The following ANKRD12 variants were observed in gnomAD, a reference collection of about 807,000 sequenced individuals.
ANKRD12 encodes ankyrin repeat domain-containing protein 12.
A neutral mutation model predicts 183.4 loss-of-function variants in ANKRD12; 85 were observed. The observed-to-expected ratio is 0.46, with a 90% confidence interval of 0.39 to 0.56. ANKRD12 has a LOEUF of 0.56. Ranked by LOEUF, ANKRD12 falls within the 20% of genes least tolerant of loss-of-function variation. The pLI, the probability that ANKRD12 is intolerant of heterozygous loss-of-function variation, is 0.00. For synonymous variants in ANKRD12, 914 were observed against 800.2 expected (o/e 1.14, Z -2.40); for missense variants, 2,405 against 2,357.1 (o/e 1.02, Z -0.42).
At chr18:9,234,628 G>A (rs1184311132) in intron 8 of ANKRD12, among the ~76,000 whole-genome samples, 7 of 152,138 alleles carry the variant, frequency 4.6e-5, no homozygotes, top group Non-Finnish European at 7.3e-5. Flanking sequence ...AAGCTCCTGG[G>A]ATGTGGAGAT....
intron 3 of ANKRD12, among the ~76,000 whole-genome samples, chr18:9,196,586 A>T (rs2034839399): frequency 6.6e-6 from 1 of 152,116 alleles, no homozygotes; most frequent in Non-Finnish European, 1.5e-5. Flanking sequence ...AATGATCTTG[A>T]CTCTGGAAAC....
intron 8 of ANKRD12, chr18:9,235,607 AG>A: frequency 2.2e-6 from 1 of 456,222 alleles, no homozygotes; most frequent in South Asian, 1.5e-5. Context: ...GCCTTATCAA[AG>A]GGATCAAACC....
At chr18:9,247,007 G>A (rs2038000038) in intron 8 of ANKRD12, among the ~76,000 whole-genome samples, 1 of 152,180 alleles carries the variant, frequency 6.6e-6, no homozygotes, top group African/African-American at 2.4e-5. Context: ...CTGTTAGCAT[G>A]TAACTGGAAT....
chr18:9,199,756 T>G (rs147454810), intron 3 of ANKRD12, among the ~76,000 whole-genome samples: 29 of 152,304 alleles, frequency 1.9e-4, no homozygotes, highest in Admixed American at 1.2e-3. Context: ...AAAATAATCT[T>G]TAAGCCTTTT....
chr18:9,195,449 A>G, intron 2 of ANKRD12, 102 bp from the exon 3 acceptor site: 2 of 765,628 alleles, frequency 2.6e-6, no homozygotes, highest in Non-Finnish European at 3.8e-6. Flanking sequence ...GATAGGTAAT[A>G]CTATCTCTTT....
At position 9,257,076 on chromosome 18, in the gene ANKRD12, C is replaced by T. The variant is rs751238822; in HGVS notation, c.3809C>T (p.Pro1270Leu). The T allele has an allele frequency of 8.1e-6, 13 of 1,613,964 alleles. No homozygotes were observed. The East Asian group carries it at 1.3e-4, about 17-fold the overall frequency. Residue 1270 changes from proline (P) to leucine (L), a missense_variant, in exon 9 of 13, where the codon CCG becomes CTG. Pro to Leu is a moderately conservative substitution (Grantham distance 98, BLOSUM62 -3). Transcript: ENST00000262126. ...GAATTGGACAGCCTGGCTGACTTGC[C>T]GGAGCGGATTAAACCACCATATGCA... Reference protein sequence around the residue: ...ERELDSLADLPERIKPPYANR... With the variant: ...ERELDSLADLLERIKPPYANR...
intron 2 of ANKRD12, among the ~76,000 whole-genome samples, chr18:9,182,759 TGA>T (rs1297720628): frequency 6.6e-6 from 1 of 152,152 alleles, no homozygotes; most frequent in Non-Finnish European, 1.5e-5. Context: ...TAAGAAATAT[TGA>T]GAGAGGGAAA....
intron 8 of ANKRD12, among the ~76,000 whole-genome samples, chr18:9,240,787 A>T (rs2144993499): frequency 6.6e-6 from 1 of 152,314 alleles, no homozygotes; most frequent in East Asian, 1.9e-4. Flanking sequence ...AAGACAGATT[A>T]GGAGACTTGA....
chr18:9,175,650 C>G (rs1194817533), intron 1 of ANKRD12, among the ~76,000 whole-genome samples: 1 of 145,792 alleles, frequency 6.9e-6, no homozygotes, highest in African/African-American at 2.5e-5. Context: ...GCCTTAGCCT[C>G]TTGAGTAGCT....
chr18:9,144,571 C>T lies in ANKRD12; in HGVS notation c.-52+7606C>T, dbSNP rs112802627. Among the ~76,000 whole-genome samples the T allele has an allele frequency of 1.4e-3, 216 of 152,222 alleles. 1 individual carries two copies. The highest frequency in any genetic ancestry group is 5.0e-3 in the African/African-American group (209 of 41,554). On this transcript the variant is annotated intron_variant, in intron 1 of 12. Transcript: ENST00000262126. ...GAAACATGTAGTCTCACACTTGAGT[C>T]GTATTCATTATGAAGTGCTAATAGA...
intron 3 of ANKRD12, among the ~76,000 whole-genome samples, chr18:9,201,969 A>G (rs566450558): frequency 2.5e-4 from 38 of 152,074 alleles, no homozygotes; most frequent in Middle Eastern, 6.8e-3. Flanking sequence ...CTGGGATTAC[A>G]GGCGTGTGCC....
intron 1 of ANKRD12, among the ~76,000 whole-genome samples, chr18:9,153,543 CTGTGTG>C (rs1299085246): frequency 1.3e-5 from 2 of 152,200 alleles, no homozygotes; most frequent in Admixed American, 1.3e-4. Flanking sequence ...CAGGAGCCTA[CTGTGTG>C]TCCCAGGATG....
At chr18:9,242,663 A>G (rs1010608340) in intron 8 of ANKRD12, among the ~76,000 whole-genome samples, 3 of 152,282 alleles carry the variant, frequency 2.0e-5, no homozygotes, top group Admixed American at 2.0e-4. Flanking sequence ...AAAATTCTTG[A>G]TTGATTATAG....
At chr18:9,154,694 G>A (rs1484858150) in intron 1 of ANKRD12, among the ~76,000 whole-genome samples, 1 of 152,160 alleles carries the variant, frequency 6.6e-6, no homozygotes, top group Non-Finnish European at 1.5e-5. Flanking sequence ...AGATGATGGT[G>A]GCTTGGATTA....
chr18:9,255,426 T>G lies in ANKRD12; in HGVS notation c.2159T>G (p.Leu720Ter). 1 of 1,571,088 alleles carries G rather than the reference T, an allele frequency of 6.4e-7. No individual in the cohort carries two copies. Among genetic ancestry groups the G allele is most frequent in the Non-Finnish European group, 8.6e-7 (1 of 1,167,626 alleles). ...FLNMEHESLT[L>*]EKKSKLEKNI... ...AATATGGAACATGAATCCTTAACATTAGAAAAAAAATCAAAATTGGAAAAA... is the reference window on the plus strand; with the variant it reads ...AATATGGAACATGAATCCTTAACATGAGAAAAAAAATCAAAATTGGAAAAA... Residue 720 changes from leucine (L) to a stop codon, truncating the protein, a stop_gained, in exon 9 of 13, where the codon TTA becomes TGA. Transcript: ENST00000262126. LOFTEE classifies it high-confidence loss of function.
chr18:9,214,190 A>G (rs1216607041), intron 6 of ANKRD12, among the ~76,000 whole-genome samples: 1 of 152,132 alleles, frequency 6.6e-6, no homozygotes, highest in African/African-American at 2.4e-5. Context: ...ATAAGTGCAT[A>G]AAAGATACCT....
At chr18:9,244,390 G>C (rs1342736485) in intron 8 of ANKRD12, among the ~76,000 whole-genome samples, 1 of 151,904 alleles carries the variant, frequency 6.6e-6, no homozygotes, top group Non-Finnish European at 1.5e-5. Flanking sequence ...TTGCTATATT[G>C]CCCAGGCTGG....
Position 9,256,672 on chromosome 18 carries a change from TAAAG to T in ANKRD12, c.3408_3411del (p.Lys1136AsnfsTer10). 1 of 1,606,142 alleles carries T rather than the reference TAAAG, an allele frequency of 6.2e-7. No individual in the cohort carries two copies. The highest frequency in any genetic ancestry group is 8.5e-7 in the Non-Finnish European group (1 of 1,178,186). On this transcript the variant is annotated frameshift_variant, in exon 9 of 13. Coordinates refer to ENST00000262126, the MANE Select transcript of ANKRD12 (RefSeq NM_015208.5). LOFTEE classifies it high-confidence loss of function. ...AGCATACACCAACTGAATCCAAAAATAAAGAACTTACTAGGTCAAAGAGTTCAGA... is the reference window on the plus strand; with the variant it reads ...AGCATACACCAACTGAATCCAAAAATAACTTACTAGGTCAAAGAGTTCAGA...
intron 11 of ANKRD12, among the ~76,000 whole-genome samples, chr18:9,277,042 G>A (rs897452018): frequency 4.6e-5 from 7 of 152,154 alleles, no homozygotes; most frequent in Non-Finnish European, 1.0e-4. Flanking sequence ...ATAAATTGAG[G>A]TTTATAATCG....
Sources: allele counts gnomAD v4.1 joint callset (sites outside exome capture counted in the v4.1 genomes callset), GRCh38; gene constraint gnomAD v4.1.1; transcripts MANE v1.5; gene names NCBI Gene and HGNC (gene_info 2026-07-23, HGNC 2026-07-21).